ARSK: variants seen among roughly 807,000 people sequenced by gnomAD.
ARSK encodes the protein arylsulfatase K.
In ARSK, 37 loss-of-function variants were observed where a neutral mutation model predicts 53.2. The observed-to-expected ratio is 0.70, with a 90% CI of 0.54 to 0.92. ARSK has a LOEUF of 0.92. Among genes scored for constraint, ARSK ranks in the 40% least tolerant of loss-of-function variants. The pLI, the probability that ARSK is intolerant of heterozygous loss-of-function variation, is 0.00. For missense variants in ARSK, 613 were observed against 643.0 expected (o/e 0.95, Z 0.51); for synonymous variants, 208 against 223.2 (o/e 0.93, Z 0.61).
intron 1 of ARSK, among the ~76,000 whole-genome samples, chr5:95,558,241 A>G (rs1215918307): frequency 6.6e-6 from 1 of 152,210 alleles, no homozygotes; most frequent in Non-Finnish European, 1.5e-5. Context: ...GAAAGTTGAG[A>G]ATCCTAGGGC....
At chr5:95,600,520 G>A in intron 6 of ARSK, 1 of 436,016 alleles carries the variant, frequency 2.3e-6, no homozygotes, top group Non-Finnish European at 4.4e-6. Flanking sequence ...GCTCCTATCT[G>A]CCAGGCATTG....
rs775870978 is a variant in ARSK, at chr5:95,601,034, C to G, written c.1284C>G (p.Ala428=). The change falls in exon 7 of 8, where the codon GCC becomes GCG. Residue 428 remains alanine, a synonymous_variant. Coordinates refer to ENST00000380009, the MANE Select transcript of ARSK (RefSeq NM_198150.3). ...MLRTNHWKYI[A]YSDGASILPQ... ...GAACTAACCACTGGAAATATATAGC[C>G]TATTCGGATGGTGCATCAATATTGC... is the stretch of plus-strand genomic sequence containing the variant. The G allele has an allele frequency of 3.1e-6, 5 of 1,613,842 alleles. No individual in the cohort carries two copies. The highest frequency in any genetic ancestry group is 1.7e-6 in the Non-Finnish European group (2 of 1,179,868).
intron 3 of ARSK, among the ~76,000 whole-genome samples, chr5:95,577,162 C>T (rs868852492): frequency 5.9e-5 from 9 of 152,118 alleles, no homozygotes; most frequent in Non-Finnish European, 7.4e-5. Flanking sequence ...ATAACCCACC[C>T]GCTTTATTTT....
chr5:95,589,865 C>T (rs1357336557), intron 5 of ARSK, among the ~76,000 whole-genome samples: 1 of 152,186 alleles, frequency 6.6e-6, no homozygotes, highest in Non-Finnish European at 1.5e-5. Context: ...CTGTCTTCCA[C>T]AATGGCTGAA....
At chr5:95,595,307 A>T (rs1749289446) in intron 6 of ARSK, among the ~76,000 whole-genome samples, 1 of 152,232 alleles carries the variant, frequency 6.6e-6, no homozygotes, top group South Asian at 2.1e-4. Context: ...CAGAGCTACC[A>T]TTAGACCCAG....
intron 5 of ARSK, among the ~76,000 whole-genome samples, chr5:95,588,355 G>A (rs1749156486): frequency 6.6e-6 from 1 of 151,188 alleles, no homozygotes; most frequent in Non-Finnish European, 1.5e-5. Flanking sequence ...TCCTGCCTCA[G>A]CCTCCCGAGT....
rs1392049823 is a variant in ARSK at position 95,555,795 on chromosome 5, C to T, written c.126+391C>T. ...CCAAAAGTCATTTTCCAGTTCACCT[C>T]AAGTTTGCAGGAATTCATGTTTGGG... On this transcript the variant is annotated intron_variant, in intron 1 of 7. Coordinates refer to ENST00000380009, the MANE Select transcript of ARSK (RefSeq NM_198150.3). This position sits in a 1 kb window ranked among gnomAD's most constrained non-coding sequence, Gnocchi z 4.0. 6.6e-6 allele frequency among the ~76,000 whole-genome samples: 1 copy of T among 152,182 alleles called. No homozygotes were observed. Among genetic ancestry groups the T allele is most frequent in the Non-Finnish European group, 1.5e-5 (1 of 68,036 alleles).
At chr5:95,595,606 G>C (rs1470411892) in intron 6 of ARSK, among the ~76,000 whole-genome samples, 2 of 147,526 alleles carry the variant, frequency 1.4e-5, no homozygotes, top group Non-Finnish European at 3.0e-5. Context: ...TTATAAGTGA[G>C]AACTAAACAT....
chr5:95,588,425 C>T (rs1230429601), intron 5 of ARSK, among the ~76,000 whole-genome samples: 3 of 151,516 alleles, frequency 2.0e-5, no homozygotes, highest in Admixed American at 6.6e-5. Flanking sequence ...TTAGTAGAGA[C>T]GGGGTTTCAC....
At chr5:95,602,204 A>G (rs1019319897) in intron 7 of ARSK, among the ~76,000 whole-genome samples, 1 of 152,166 alleles carries the variant, frequency 6.6e-6, no homozygotes, top group Non-Finnish European at 1.5e-5. Flanking sequence ...TTCTGCCTAT[A>G]AAGCCCACCT....
At chr5:95,569,403 A>G (rs1054067630) in intron 3 of ARSK, among the ~76,000 whole-genome samples, 1 of 152,220 alleles carries the variant, frequency 6.6e-6, no homozygotes, top group Non-Finnish European at 1.5e-5. Flanking sequence ...ATGTGATCTT[A>G]TTGGAAAATA....
chr5:95,590,409 C>T (rs752568829), intron 5 of ARSK, among the ~76,000 whole-genome samples: 7 of 151,828 alleles, frequency 4.6e-5, no homozygotes, highest in African/African-American at 7.3e-5. Flanking sequence ...CTAAAGAATT[C>T]GACAGTGGGC....
At chr5:95,599,703 A>G (rs922060154) in intron 6 of ARSK, among the ~76,000 whole-genome samples, 2 of 152,220 alleles carry the variant, frequency 1.3e-5, no homozygotes, top group Admixed American at 1.3e-4. Context: ...TACTTGTGAT[A>G]GTCTTCTTCC....
rs1484470379 is a variant in ARSK, at chr5:95,601,013, T to A, written c.1263T>A (p.Thr421=). Residue 421 remains threonine (T), a synonymous_variant, in exon 7 of 8, where the codon ACT becomes ACA. Transcript: ENST00000380009. The stretch of plus-strand genomic sequence containing the variant: ...ATGCCTCCACCTACATGCTTCGAAC[T>A]AACCACTGGAAATATATAGCCTATT... The part of the protein sequence containing the change: ...NVNASTYMLR[T]NHWKYIAYSD... The A allele has an allele frequency of 6.2e-7, 1 of 1,614,010 alleles. No homozygotes were observed. Among genetic ancestry groups the A allele is most frequent in the Non-Finnish European group, 8.5e-7 (1 of 1,179,982 alleles).
At chr5:95,571,365 C>T (rs1460054169) in intron 3 of ARSK, among the ~76,000 whole-genome samples, 1 of 152,110 alleles carries the variant, frequency 6.6e-6, no homozygotes, top group African/African-American at 2.4e-5. Context: ...TTCCCATTTG[C>T]CAGCATAGTG....
intron 3 of ARSK, 34 bp downstream of exon 3, chr5:95,568,083 G>T (rs756770326): frequency 3.1e-6 from 5 of 1,603,584 alleles, no homozygotes; most frequent in Non-Finnish European, 8.5e-7. Flanking sequence ...ATCATGGACT[G>T]CCCTCTGCCA....
rs1254139315 is a variant in ARSK at position 95,604,327 on chromosome 5, A to G, written c.*801A>G. The G allele has an allele frequency of 6.6e-6, 1 of 152,198 alleles. No homozygotes were observed. The highest frequency in any genetic ancestry group is 1.5e-5 in the Non-Finnish European group (1 of 68,032). 9.4% of individuals were successfully genotyped at this position (152,198 alleles called of 1,614,324 possible). A position where few individuals can be genotyped will look rare whatever the true frequency, so the allele number is the denominator to read the frequency against. On this transcript the variant is annotated 3_prime_UTR_variant, in exon 8 of 8. Coordinates refer to ENST00000380009, the MANE Select transcript of ARSK (RefSeq NM_198150.3). The stretch of plus-strand genomic sequence containing the variant: ...ATATATATACAGGGTAAAAGCTTCA[A>G]ATGGTACAAAAGGGTTAACAGTGAT...
chr5:95,568,057 TA>T lies in ARSK; in HGVS notation c.416+12del, dbSNP rs1441060426. The T allele has an allele frequency of 5.6e-6, 9 of 1,611,306 alleles. No homozygotes were observed. In the South Asian group the frequency reaches 9.9e-5, roughly 18 times the overall value. On this transcript the variant is annotated intron_variant, in intron 3 of 7. Coordinates refer to ENST00000380009, the MANE Select transcript of ARSK (RefSeq NM_198150.3). ...AGGACATCACTCCATTAGGTAAAAA[TA>T]AAACAAAAATAATCATCATGGACTG...
chr5:95,591,843 C>T (rs893401063), intron 6 of ARSK, among the ~76,000 whole-genome samples: 22 of 152,120 alleles, frequency 1.4e-4, no homozygotes, highest in Admixed American at 5.9e-4. Flanking sequence ...GTCATTTTCC[C>T]TCAAAAGATT....
Sources: allele counts gnomAD v4.1 joint callset (sites outside exome capture counted in the v4.1 genomes callset), GRCh38; gene constraint gnomAD v4.1.1; non-coding constraint Gnocchi (gnomAD v3.1); transcripts MANE v1.5; gene names NCBI Gene and HGNC (gene_info 2026-07-23, HGNC 2026-07-21).